CAMKMT: variants seen among roughly 807,000 people sequenced by gnomAD.
CAMKMT encodes the protein CaM KMT.
Under a neutral mutation model 48.0 loss-of-function variants are expected in CAMKMT, and 53 were observed. The ratio of observed to expected loss-of-function variants is 1.10; its 90% CI spans 0.89 to 1.39. The LOEUF (loss-of-function observed/expected upper bound fraction) is 1.39. Among genes scored for constraint, CAMKMT ranks in the 40% most tolerant of loss-of-function variants. The pLI is 0.00. For synonymous variants in CAMKMT, 165 were observed against 152.3 expected (o/e 1.08, Z -0.61); for missense variants, 428 against 402.7 (o/e 1.06, Z -0.54).
chr2:44,400,612 T>C lies in CAMKMT; in HGVS notation c.376+10307T>C, dbSNP rs575777444. 3.9e-5 allele frequency among the ~76,000 whole-genome samples: 6 copies of C among 152,092 alleles called. No homozygotes were observed. In the South Asian group the frequency reaches 1.0e-3, roughly 26 times the overall value. ...TAAATGAAATACTTAAAAATTCTTT[T>C]GGTGATAAGCCTTTTTAAAAAAATT... On this transcript the variant is annotated intron_variant, in intron 3 of 10. Coordinates refer to ENST00000378494, the MANE Select transcript of CAMKMT (RefSeq NM_024766.5).
chr2:44,379,177 T>C (rs185788341), intron 2 of CAMKMT, among the ~76,000 whole-genome samples: 1 of 152,356 alleles, frequency 6.6e-6, no homozygotes, highest in East Asian at 1.9e-4. Flanking sequence ...TATGTGGCCC[T>C]GTATGTCTGT....
intron 3 of CAMKMT, among the ~76,000 whole-genome samples, chr2:44,583,597 A>T (rs772598568): frequency 3.9e-5 from 6 of 152,068 alleles, no homozygotes; most frequent in Admixed American, 1.3e-4. Context: ...GTTTGAGACC[A>T]GCTTAGGCTG....
At chr2:44,551,908 T>C (rs1667734806) in intron 3 of CAMKMT, among the ~76,000 whole-genome samples, 1 of 152,200 alleles carries the variant, frequency 6.6e-6, no homozygotes, top group Non-Finnish European at 1.5e-5. Context: ...CTTTCCTTTG[T>C]TGGCAATATT....
At chr2:44,497,908 T>C (rs811494) in intron 3 of CAMKMT, among the ~76,000 whole-genome samples, 2 of 151,840 alleles carry the variant, frequency 1.3e-5, no homozygotes, top group Non-Finnish European at 2.9e-5. Flanking sequence ...GCAGGGAAGT[T>C]GGGGGACCTG....
intron 7 of CAMKMT, among the ~76,000 whole-genome samples, chr2:44,741,993 A>T (rs776182327): frequency 6.6e-6 from 1 of 152,182 alleles, no homozygotes; most frequent in Non-Finnish European, 1.5e-5. Context: ...TTCAAAATTC[A>T]TATGATGGAT....
chr2:44,624,841 A>G (rs1672391939), intron 3 of CAMKMT, among the ~76,000 whole-genome samples: 2 of 152,176 alleles, frequency 1.3e-5, no homozygotes, highest in Admixed American at 1.3e-4. Flanking sequence ...GTATATACCC[A>G]ATAATGGGAT....
intron 3 of CAMKMT, among the ~76,000 whole-genome samples, chr2:44,543,024 C>A (rs1341077162): frequency 6.6e-6 from 1 of 152,150 alleles, no homozygotes; most frequent in Non-Finnish European, 1.5e-5. Context: ...TATCATATAG[C>A]TTCTTAGATG....
chr2:44,626,958 T>C (rs1240762055), intron 3 of CAMKMT, among the ~76,000 whole-genome samples: 1 of 152,196 alleles, frequency 6.6e-6, no homozygotes, highest in Non-Finnish European at 1.5e-5. Context: ...TTTCTGATCT[T>C]AGGATAGGGA....
At chr2:44,582,534 C>T (rs1169421723) in intron 3 of CAMKMT, among the ~76,000 whole-genome samples, 1 of 152,176 alleles carries the variant, frequency 6.6e-6, no homozygotes, top group Non-Finnish European at 1.5e-5. Context: ...ATTTTAAAGG[C>T]ACACTCACAG....
chr2:44,650,137 A>G (rs1044893083), intron 3 of CAMKMT, among the ~76,000 whole-genome samples: 3 of 152,236 alleles, frequency 2.0e-5, no homozygotes, highest in African/African-American at 4.8e-5. Flanking sequence ...TCTGGAGGCT[A>G]GAAGTCCAAA....
At chr2:44,383,654 C>G (rs985798184) in intron 2 of CAMKMT, among the ~76,000 whole-genome samples, 2 of 152,112 alleles carry the variant, frequency 1.3e-5, no homozygotes, top group African/African-American at 4.8e-5. Context: ...CGCAAGTCCC[C>G]AAAGTCCATT....
In CAMKMT at chr2:44,717,022, G is replaced by T. The variant is rs559577636; in HGVS notation, c.623+1669G>T. ...AGTGTTTAACTTATGGAGTGCAATG[G>T]TATTTTCTGTCATCTCTTCATAAAA... On this transcript the variant is annotated intron_variant, in intron 7 of 10. Coordinates refer to ENST00000378494, the MANE Select transcript of CAMKMT (RefSeq NM_024766.5). 3.3e-5 allele frequency among the ~76,000 whole-genome samples: 5 copies of T among 152,218 alleles called. No homozygotes were observed. The South Asian group carries it at 8.3e-4, about 25-fold the overall frequency.
At chr2:44,586,071 A>G (rs1261449780) in intron 3 of CAMKMT, among the ~76,000 whole-genome samples, 3 of 152,154 alleles carry the variant, frequency 2.0e-5, no homozygotes, top group African/African-American at 7.2e-5. Flanking sequence ...AAGAGAGACC[A>G]CTCTTCAAAT....
chr2:44,456,574 C>T lies in CAMKMT; in HGVS notation c.376+66269C>T, dbSNP rs1179149037. ...GTCATCCTTTCTCTTTTAGGGGAAG[C>T]AACCAGGGGAAAATGAAGATATCAC... On this transcript the variant is annotated intron_variant, in intron 3 of 10. Transcript: ENST00000378494. The T allele has an allele frequency of 2.6e-6, 4 of 1,549,748 alleles. No homozygotes were observed. The South Asian group carries it at 3.6e-5, about 14-fold the overall frequency.
intron 1 of CAMKMT, among the ~76,000 whole-genome samples, chr2:44,363,151 T>C (rs1226943743): frequency 6.6e-6 from 1 of 152,206 alleles, no homozygotes; most frequent in Non-Finnish European, 1.5e-5. Context: ...AAGTAGATCA[T>C]CAGAGTTAAT....
At chr2:44,502,602 G>C (rs1452708352) in intron 3 of CAMKMT, among the ~76,000 whole-genome samples, 1 of 152,076 alleles carries the variant, frequency 6.6e-6, no homozygotes. Context: ...CTTTTTAGAG[G>C]AGAACATTTC....
rs556053220 is a variant in CAMKMT at position 44,361,952 on chromosome 2, C to G, written c.-56C>G. ...CTGACAGGGAAGAAGTTGGCAGGTC[C>G]TGGCAGGGGACGAGCTGCGGCGGTG... is the stretch of plus-strand genomic sequence containing the variant. On this transcript the variant is annotated 5_prime_UTR_variant, in exon 1 of 11. Coordinates refer to ENST00000378494, the MANE Select transcript of CAMKMT (RefSeq NM_024766.5). 1.5e-6 allele frequency: 2 copies of G among 1,360,464 alleles called. No individual in the cohort carries two copies. The highest frequency in any genetic ancestry group is 1.8e-5 in the South Asian group (1 of 56,894). The allele number at this position is 1,360,464 out of a possible 1,614,324, so 84.3% of individuals were successfully genotyped here. A position where few individuals can be genotyped will look rare whatever the true frequency, so the allele number is the denominator to read the frequency against.
intron 3 of CAMKMT, among the ~76,000 whole-genome samples, chr2:44,445,068 A>G (rs1666899327): frequency 6.6e-6 from 1 of 152,214 alleles, no homozygotes; most frequent in Non-Finnish European, 1.5e-5. Context: ...AGTTTCTGCC[A>G]ATTAAGCCAA....
intron 3 of CAMKMT, among the ~76,000 whole-genome samples, chr2:44,401,690 A>C (rs575793938): frequency 6.6e-6 from 1 of 152,366 alleles, no homozygotes; most frequent in Admixed American, 6.5e-5. Context: ...TGGCTTGAAC[A>C]TATTGTCTCA....
Sources: allele counts gnomAD v4.1 joint callset (sites outside exome capture counted in the v4.1 genomes callset), GRCh38; gene constraint gnomAD v4.1.1; transcripts MANE v1.5; gene names NCBI Gene and HGNC (gene_info 2026-07-23, HGNC 2026-07-21).